CDH23: variants seen among roughly 807,000 people sequenced by gnomAD.
CDH23 encodes the protein cadherin related 23, also known as cadherin-23.
A neutral mutation model predicts 317.1 loss-of-function variants in CDH23; 189 were observed. The ratio of observed to expected loss-of-function variants is 0.60; its 90% confidence interval spans 0.53 to 0.67. The LOEUF (loss-of-function observed/expected upper bound fraction) is 0.67. CDH23 is among the 30% of genes least tolerant of loss of function. The pLI is 0.00. For missense variants in CDH23, 4,401 were observed against 4,592.4 expected (o/e 0.96, Z 1.20); for synonymous variants, 1,839 against 1,876.8 (o/e 0.98, Z 0.52).
Position 71,784,333 on chromosome 10 carries a change from G to A in CDH23, c.5415G>A (p.Lys1805=), listed in dbSNP as rs767361990. ...TGGAGGGGGTGCTAAGGGTCCGGAA[G>A]GACGTGGAGCTGGACCGGGAGACCA... ...SPVEGVLRVR[K]DVELDRETIA... is the part of the protein sequence containing the mutation. The change falls in exon 42 of 70, where the codon AAG becomes AAA. Residue 1805 remains lysine (K), a synonymous_variant. Transcript: ENST00000224721. The A allele has an allele frequency of 6.2e-7, 1 of 1,613,954 alleles. No homozygotes were observed. Among genetic ancestry groups the A allele is most frequent in the Non-Finnish European group, 8.5e-7 (1 of 1,179,840 alleles).
At chr10:71,602,255 G>A (rs1174603673) in intron 9 of CDH23, among the ~76,000 whole-genome samples, 1 of 152,190 alleles carries the variant, frequency 6.6e-6, no homozygotes, top group Non-Finnish European at 1.5e-5. Flanking sequence ...GGCACTGTCA[G>A]GATTAGTGTT....
intron 53 of CDH23, among the ~76,000 whole-genome samples, chr10:71,802,264 C>A (rs532875073): frequency 3.3e-4 from 51 of 152,312 alleles, no homozygotes; most frequent in African/African-American, 1.2e-3. Context: ...GCCGAGATTG[C>A]GCCATTGCAC....
At position 71,799,357 on chromosome 10, in the gene CDH23, C is replaced by T. The variant is rs541547301; in HGVS notation, c.7224+77C>T. On this transcript the variant is annotated intron_variant, in intron 51 of 69. Coordinates refer to ENST00000224721, the MANE Select transcript of CDH23 (RefSeq NM_022124.6). Reference sequence around the variant, plus strand: ...GTCTTTGGGCATCTTCCTCTCCCACCCTGCCAGCCTCTAAGCCCCCTGGGA... The same window carrying T: ...GTCTTTGGGCATCTTCCTCTCCCACTCTGCCAGCCTCTAAGCCCCCTGGGA... 7.5e-6 allele frequency: 12 copies of T among 1,607,026 alleles called. No homozygotes were observed. In the Admixed American group the frequency reaches 1.0e-4, roughly 13 times the overall value.
At chr10:71,620,436 C>G (rs1861410007) in intron 11 of CDH23, among the ~76,000 whole-genome samples, 1 of 152,164 alleles carries the variant, frequency 6.6e-6, no homozygotes, top group Non-Finnish European at 1.5e-5. Flanking sequence ...GACTGCTCAC[C>G]CCAACTGGTT....
chr10:71,608,094 G>A (rs1416593737), intron 9 of CDH23, among the ~76,000 whole-genome samples: 1 of 152,176 alleles, frequency 6.6e-6, no homozygotes, highest in East Asian at 1.9e-4. Context: ...AAAGGAATGA[G>A]TGGTTTGCAG....
chr10:71,705,104 G>A lies in CDH23; in HGVS notation c.2927G>A (p.Ser976Asn). The change falls in exon 25 of 70, where the codon AGC (serine) becomes AAC (asparagine). Residue 976 changes from serine (S) to asparagine (N), a missense_variant. Physicochemically the swap from Ser to Asn is conservative, Grantham distance 46 (BLOSUM62 1). Transcript: ENST00000224721. The part of the protein sequence containing the change: ...VASDAGTPTK[S>N]STSTLTIHVL... ...AGTGATGCAGGCACGCCCACCAAGA[G>A]CTCCACCAGCACGCTCACCATCCAT... 6.2e-7 allele frequency: 1 copy of A among 1,610,772 alleles called. No individual in the cohort carries two copies. Among genetic ancestry groups the A allele is most frequent in the Non-Finnish European group, 8.5e-7 (1 of 1,178,988 alleles).
intron 3 of CDH23, among the ~76,000 whole-genome samples, chr10:71,496,633 GGGAACTGCTGACCTCTAGGTTTTCC>G (rs1370537249): frequency 1.3e-5 from 2 of 152,220 alleles, no homozygotes; most frequent in Admixed American, 6.5e-5. Flanking sequence ...TGACAAGTGT[GGGAACTGCTGACCTCTAGGTTTTCC>G]TCCATCACAG....
intron 55 of CDH23, among the ~76,000 whole-genome samples, 192 bp downstream of exon 55, chr10:71,803,612 A>G (rs1035261541): frequency 2.0e-5 from 3 of 152,136 alleles, no homozygotes. Flanking sequence ...AAGGAAGCAG[A>G]CCTGCCCAGT....
Position 71,739,675 on chromosome 10 carries a change from C to A in CDH23, c.4391C>A (p.Ala1464Glu), listed in dbSNP as rs374362883. 6 of 1,613,088 alleles carry A rather than the reference C, an allele frequency of 3.7e-6. No individual in the cohort carries two copies. In the African/African-American group the frequency reaches 8.0e-5, roughly 22 times the overall value. The change falls in exon 36 of 70, where the codon GCG (alanine) becomes GAG (glutamate). Residue 1464 changes from alanine (A) to glutamate (E), a missense_variant. This residue lies in a region of CDH23 where 3,068 missense variants were observed against 3,203.3 expected (regional missense o/e 0.96). Coordinates refer to ENST00000224721, the MANE Select transcript of CDH23 (RefSeq NM_022124.6). Reference protein sequence around the residue: ...VVFSLASGNIAGAFEIVTTND... With the variant: ...VVFSLASGNIEGAFEIVTTND... ...TTCTCCCTGGCCTCTGGCAACATCGCGGGGGCCTTTGAGATCGTCACCACC... is the reference window on the plus strand; with the variant it reads ...TTCTCCCTGGCCTCTGGCAACATCGAGGGGGCCTTTGAGATCGTCACCACC...
intron 11 of CDH23, among the ~76,000 whole-genome samples, chr10:71,630,456 G>C (rs1007441066): frequency 6.6e-6 from 1 of 152,174 alleles, no homozygotes; most frequent in African/African-American, 2.4e-5. Context: ...GCGGTCAGCC[G>C]CTGGATCTGT....
chr10:71,701,408 T>A (rs1257447035), intron 22 of CDH23, among the ~76,000 whole-genome samples: 1 of 152,120 alleles, frequency 6.6e-6, no homozygotes, highest in South Asian at 2.1e-4. Flanking sequence ...GCTGTGGGGT[T>A]CACCGCCCCT....
intron 6 of CDH23, among the ~76,000 whole-genome samples, chr10:71,543,438 G>T (rs1856095684): frequency 6.6e-6 from 1 of 152,190 alleles, no homozygotes; most frequent in South Asian, 2.1e-4. Flanking sequence ...CCTCTCCAGG[G>T]TCTGGCCCAC....
chr10:71,680,481 C>A (rs1003692110), intron 17 of CDH23, among the ~76,000 whole-genome samples: 1 of 152,160 alleles, frequency 6.6e-6, no homozygotes, highest in African/African-American at 2.4e-5. Flanking sequence ...AGCGCGGTGG[C>A]TCACGTCTGT....
chr10:71,523,852 G>GC (rs1171323832), intron 6 of CDH23, among the ~76,000 whole-genome samples: 8 of 152,134 alleles, frequency 5.3e-5, no homozygotes, highest in African/African-American at 1.9e-4. Context: ...TCTCATCCCG[G>GC]CCCCCTCTCC....
chr10:71,627,638 C>T (rs981495387), intron 11 of CDH23, among the ~76,000 whole-genome samples: 7 of 152,198 alleles, frequency 4.6e-5, no homozygotes, highest in African/African-American at 1.7e-4. Context: ...CCTCCACACG[C>T]CGGTTCCCGC....
intron 3 of CDH23, among the ~76,000 whole-genome samples, chr10:71,496,479 C>G (rs1251467994): frequency 6.6e-6 from 1 of 152,144 alleles, no homozygotes; most frequent in East Asian, 1.9e-4. Flanking sequence ...GGAGTGATTC[C>G]CATTCTTGCC....
At chr10:71,575,771 C>A (rs1858147296) in intron 8 of CDH23, among the ~76,000 whole-genome samples, 1 of 152,262 alleles carries the variant, frequency 6.6e-6, no homozygotes, top group African/African-American at 2.4e-5. Flanking sequence ...AAATAAGTTT[C>A]AGTATATTGA....
chr10:71,680,933 A>G (rs1268027499), intron 17 of CDH23, among the ~76,000 whole-genome samples: 1 of 147,692 alleles, frequency 6.8e-6, no homozygotes, highest in East Asian at 2.1e-4. Flanking sequence ...GGTTCATACA[A>G]TTCTCCAGCC....
At chr10:71,628,148 G>A (rs1392822056) in intron 11 of CDH23, among the ~76,000 whole-genome samples, 5 of 152,298 alleles carry the variant, frequency 3.3e-5, no homozygotes, top group East Asian at 1.9e-4. Flanking sequence ...TCACCCCATC[G>A]CCATCATGGG....
Sources: gnomAD v4.1 joint callset for allele counts (sites outside exome capture counted in the v4.1 genomes callset) on GRCh38, gnomAD v4.1.1 for gene constraint, gnomAD v4.1.1 regional missense constraint, MANE v1.5 for transcripts, NCBI Gene and HGNC (gene_info 2026-07-23, HGNC 2026-07-21) for gene names.